Variants in KCNMA1 observed in about 807,000 individuals in gnomAD.
The protein encoded by KCNMA1 is potassium calcium-activated channel subfamily M alpha 1, also known as Calcium-activated potassium channel subunit alpha-1.
KCNMA1 carries 29 observed loss-of-function variants against 140.0 expected under a neutral mutation model. The ratio of observed to expected loss-of-function variants is 0.21; its 90% CI spans 0.15 to 0.28. The LOEUF (loss-of-function observed/expected upper bound fraction) is 0.28. Ranked by LOEUF, KCNMA1 falls within the 10% of genes least tolerant of loss-of-function variation. The pLI, the probability that KCNMA1 is intolerant of heterozygous loss-of-function variation, is 1.00. For synonymous variants in KCNMA1, 612 were observed against 611.9 expected, an observed-to-expected ratio of 1.00 and a Z score of 0.00; for missense variants, 880 against 1,602.2, an observed-to-expected ratio of 0.55 and a Z score of 7.70.
At chr10:77,528,822 A>G (rs2056743263) in intron 1 of KCNMA1, among the ~76,000 whole-genome samples, 1 of 152,126 alleles carries the variant, frequency 6.6e-6, no homozygotes, top group Non-Finnish European at 1.5e-5. Context: ...ACATTATGCT[A>G]AGTGGAAGAA....
At chr10:77,096,584 G>A (rs78978002) in intron 9 of KCNMA1, among the ~76,000 whole-genome samples, 2,514 of 152,236 alleles carry the variant, frequency 0.017, 106 homozygotes, top group East Asian at 0.14. Context: ...AATGTAAAAT[G>A]CACAGCTCTG....
intron 2 of KCNMA1, among the ~76,000 whole-genome samples, chr10:77,335,796 A>G (rs768603916): frequency 6.6e-6 from 1 of 152,220 alleles, no homozygotes; most frequent in Non-Finnish European, 1.5e-5. Context: ...TAGGAGGTTA[A>G]GCAACTTTTC....
intron 21 of KCNMA1, among the ~76,000 whole-genome samples, chr10:76,952,569 T>C (rs922491954): frequency 6.6e-6 from 1 of 152,042 alleles, no homozygotes; most frequent in Non-Finnish European, 1.5e-5. Context: ...GCTTTGCGAG[T>C]AGAACAATTT....
rs564460255 is a variant in KCNMA1, at chr10:77,599,367, G to A, written c.378+37898C>T. Among the ~76,000 whole-genome samples the A allele has an allele frequency of 3.2e-4, 48 of 152,222 alleles. No homozygotes were observed. In the South Asian group the frequency reaches 9.1e-3, roughly 29 times the overall value. On this transcript the variant is annotated intron_variant, in intron 1 of 27. Transcript: ENST00000286628. ...AATAATTTATACATTCGGAGTCTACGATTTCCTCCAGCCAGATGATGGCTG... is the reference window on the plus strand; with the variant it reads ...AATAATTTATACATTCGGAGTCTACAATTTCCTCCAGCCAGATGATGGCTG...
chr10:77,307,952 A>G (rs1198826936), intron 2 of KCNMA1, among the ~76,000 whole-genome samples: 1 of 152,192 alleles, frequency 6.6e-6, no homozygotes, highest in Non-Finnish European at 1.5e-5. Flanking sequence ...CTTAGATTCA[A>G]TTTGGAATCA....
intron 3 of KCNMA1, among the ~76,000 whole-genome samples, chr10:77,196,978 A>C (rs926604375): frequency 1.3e-5 from 2 of 152,226 alleles, no homozygotes; most frequent in Admixed American, 1.3e-4. Context: ...AGTTTAAAAA[A>C]AATAAGGAAA....
chr10:77,044,511 T>C (rs566535686), intron 14 of KCNMA1, among the ~76,000 whole-genome samples: 1 of 152,090 alleles, frequency 6.6e-6, no homozygotes, highest in Admixed American at 6.5e-5. Flanking sequence ...TTGCCAAGTG[T>C]GGTAGCACAC....
At chr10:76,981,343 A>G (rs149127321) in intron 19 of KCNMA1, among the ~76,000 whole-genome samples, 107 of 152,326 alleles carry the variant, frequency 7.0e-4, no homozygotes, top group African/African-American at 2.5e-3. Context: ...AAATGTCATA[A>G]AAACAAGAAA....
intron 1 of KCNMA1, among the ~76,000 whole-genome samples, chr10:77,451,110 G>A (rs1193617604): frequency 6.6e-6 from 1 of 152,172 alleles, no homozygotes; most frequent in African/African-American, 2.4e-5. Context: ...TCTCAGGTAT[G>A]TCTTTACTAG....
At chr10:77,545,787 T>A (rs1360085648) in intron 1 of KCNMA1, among the ~76,000 whole-genome samples, 1 of 152,214 alleles carries the variant, frequency 6.6e-6, no homozygotes, top group African/African-American at 2.4e-5. Context: ...GACTGTGGCC[T>A]GGAAAACATG....
intron 5 of KCNMA1, among the ~76,000 whole-genome samples, chr10:77,144,187 G>T (rs2098242721): frequency 6.6e-6 from 1 of 152,014 alleles, no homozygotes; most frequent in African/African-American, 2.4e-5. Flanking sequence ...TCAACAGGGT[G>T]GTTTGATAAA....
intron 3 of KCNMA1, among the ~76,000 whole-genome samples, chr10:77,241,344 A>T (rs910348807): frequency 1.3e-5 from 2 of 152,212 alleles, no homozygotes; most frequent in African/African-American, 4.8e-5. Flanking sequence ...TAAATGACGA[A>T]TAATAACAAC....
chr10:77,614,075 G>T (rs1301805108), intron 1 of KCNMA1, among the ~76,000 whole-genome samples: 1 of 152,174 alleles, frequency 6.6e-6, no homozygotes, highest in African/African-American at 2.4e-5. Flanking sequence ...TGGGTGTCTA[G>T]TCTACTTGGA....
chr10:77,460,900 G>C (rs1241284254), intron 1 of KCNMA1, among the ~76,000 whole-genome samples: 1 of 152,170 alleles, frequency 6.6e-6, no homozygotes, highest in Non-Finnish European at 1.5e-5. Context: ...GAGGTCAAGA[G>C]TTCAAGACCA....
chr10:76,942,214 C>T (rs1024679512), intron 23 of KCNMA1, among the ~76,000 whole-genome samples: 1 of 152,094 alleles, frequency 6.6e-6, no homozygotes, highest in African/African-American at 2.4e-5. Flanking sequence ...CTCAGGTGAT[C>T]CACCCGCCTT....
At chr10:77,211,115 T>C (rs1165127757) in intron 3 of KCNMA1, among the ~76,000 whole-genome samples, 1 of 151,962 alleles carries the variant, frequency 6.6e-6, no homozygotes, top group African/African-American at 2.4e-5. Context: ...AAAGCAATTC[T>C]AAACAACAAA....
At chr10:77,206,013 G>A (rs376665620) in intron 3 of KCNMA1, among the ~76,000 whole-genome samples, 42 of 152,080 alleles carry the variant, frequency 2.8e-4, no homozygotes, top group Non-Finnish European at 4.9e-4. Flanking sequence ...CACCAATCTC[G>A]CTCTAATGAA....
intron 2 of KCNMA1, among the ~76,000 whole-genome samples, chr10:77,255,090 G>A (rs2154257890): frequency 6.6e-6 from 1 of 152,212 alleles, no homozygotes; most frequent in Admixed American, 6.5e-5. Flanking sequence ...CAGCCATCTT[G>A]GACAGTATGA....
intron 2 of KCNMA1, among the ~76,000 whole-genome samples, chr10:77,325,501 A>G (rs973260597): frequency 2.0e-5 from 3 of 152,162 alleles, no homozygotes; most frequent in African/African-American, 7.2e-5. Flanking sequence ...GGATGGCACT[A>G]ACACATGTTC....
Sources: allele counts gnomAD v4.1 joint callset (sites outside exome capture counted in the v4.1 genomes callset), GRCh38; gene constraint gnomAD v4.1.1; transcripts MANE v1.5; gene names NCBI Gene and HGNC (gene_info 2026-07-23, HGNC 2026-07-21).